Variants in SCD5 observed in about 807,000 individuals in gnomAD.
SCD5 encodes stearoyl-CoA desaturase 5.
Under a neutral mutation model 30.4 loss-of-function variants are expected in SCD5, and 20 were observed. The ratio of observed to expected loss-of-function variants is 0.66; its 90% CI spans 0.46 to 0.96. The LOEUF is 0.96. SCD5 is among the 40% of genes least tolerant of loss of function. The pLI, the probability that SCD5 is intolerant of heterozygous loss-of-function variation, is 0.00. For missense variants in SCD5, 381 were observed against 443.3 expected (o/e 0.86, Z 1.26); for synonymous variants, 173 against 176.4 (o/e 0.98, Z 0.16).
At chr4:82,663,933 A>C (rs956733071) in intron 3 of SCD5, among the ~76,000 whole-genome samples, 5 of 152,206 alleles carry the variant, frequency 3.3e-5, no homozygotes, top group African/African-American at 1.2e-4. Flanking sequence ...TACTGCAGGA[A>C]TGCTAAGAAA....
chr4:82,687,173 G>GA (rs58937590), intron 2 of SCD5, among the ~76,000 whole-genome samples: 13 of 108,632 alleles, frequency 1.2e-4, no homozygotes, highest in Admixed American at 3.0e-4. Flanking sequence ...CTTGTTACAA[G>GA]AAAAAAAAAA....
chr4:82,643,221 A>C (rs1270436998), intron 3 of SCD5, among the ~76,000 whole-genome samples: 2 of 151,048 alleles, frequency 1.3e-5, no homozygotes, highest in Non-Finnish European at 2.9e-5. Context: ...CCAAAGGTTA[A>C]ATATCAAGTT....
chr4:82,691,214 CG>C (rs1728828626), intron 2 of SCD5, among the ~76,000 whole-genome samples: 1 of 152,062 alleles, frequency 6.6e-6, no homozygotes, highest in African/African-American at 2.4e-5. Flanking sequence ...TTAGTAGAGA[CG>C]GGGTTTCATC....
intron 1 of SCD5, among the ~76,000 whole-genome samples, chr4:82,766,636 T>C (rs1170547392): frequency 2.0e-5 from 3 of 152,256 alleles, no homozygotes; most frequent in African/African-American, 7.2e-5. Flanking sequence ...TTGCATACCT[T>C]GTAATTTTTT....
chr4:82,768,339 T>G (rs531339400), intron 1 of SCD5, among the ~76,000 whole-genome samples: 1 of 152,282 alleles, frequency 6.6e-6, no homozygotes, highest in South Asian at 2.1e-4. Context: ...AAAACACTGT[T>G]GCCTGACAGA....
chr4:82,649,900 C>T (rs1021960337), intron 3 of SCD5, among the ~76,000 whole-genome samples: 9 of 152,162 alleles, frequency 5.9e-5, no homozygotes, highest in African/African-American at 1.7e-4. Flanking sequence ...GATTACTGTT[C>T]GTCTGGCGTG....
At chr4:82,727,516 G>A (rs923680625) in intron 1 of SCD5, among the ~76,000 whole-genome samples, 2 of 152,178 alleles carry the variant, frequency 1.3e-5, no homozygotes, top group African/African-American at 4.8e-5. Flanking sequence ...GTCTCCCAGA[G>A]ACAGCTGCTG....
At chr4:82,709,886 C>T (rs895966052) in intron 1 of SCD5, among the ~76,000 whole-genome samples, 59 of 152,342 alleles carry the variant, frequency 3.9e-4, no homozygotes, top group African/African-American at 1.4e-3. Flanking sequence ...TCACTGACGG[C>T]CTGCCCTGGG....
At chr4:82,640,334 C>T (rs1027247634) in intron 3 of SCD5, among the ~76,000 whole-genome samples, 4 of 152,194 alleles carry the variant, frequency 2.6e-5, no homozygotes, top group African/African-American at 9.6e-5. Flanking sequence ...GCCCGGGCTT[C>T]CCCAACTAGA....
intron 1 of SCD5, among the ~76,000 whole-genome samples, chr4:82,737,845 G>A (rs1720782898): frequency 6.6e-6 from 1 of 151,300 alleles, no homozygotes; most frequent in African/African-American, 2.5e-5. Flanking sequence ...GGCACAATGA[G>A]GTAGGAAGGC....
chr4:82,781,038 A>C (rs941632164), intron 1 of SCD5, among the ~76,000 whole-genome samples: 1 of 152,216 alleles, frequency 6.6e-6, no homozygotes, highest in African/African-American at 2.4e-5. Flanking sequence ...GAAACGCAGC[A>C]GGGCCCCCCA....
intron 2 of SCD5, among the ~76,000 whole-genome samples, chr4:82,691,107 C>A (rs753939157): frequency 3.9e-5 from 6 of 152,176 alleles, no homozygotes; most frequent in Non-Finnish European, 7.3e-5. Flanking sequence ...CTCACTGCAA[C>A]CTCTGCCTCC....
chr4:82,748,745 G>T (rs1721043687), intron 1 of SCD5, among the ~76,000 whole-genome samples: 1 of 152,170 alleles, frequency 6.6e-6, no homozygotes, highest in Non-Finnish European at 1.5e-5. Context: ...GAGAAACAAA[G>T]AATGCAATTT....
At chr4:82,709,031 T>C (rs1432960446) in intron 1 of SCD5, among the ~76,000 whole-genome samples, 1 of 152,186 alleles carries the variant, frequency 6.6e-6, no homozygotes, top group Non-Finnish European at 1.5e-5. Flanking sequence ...ATCTCCATCT[T>C]ACAGATGAAG....
chr4:82,753,451 C>T (rs535021016), intron 1 of SCD5: 22 of 514,022 alleles, frequency 4.3e-5, no homozygotes, highest in African/African-American at 4.1e-4. Context: ...AAGCAGTGCG[C>T]CCCAGAGTCA....
chr4:82,793,628 CAAT>C (rs1359664280), intron 1 of SCD5, among the ~76,000 whole-genome samples: 1 of 152,116 alleles, frequency 6.6e-6, no homozygotes, highest in Non-Finnish European at 1.5e-5. Flanking sequence ...GTATTAGGAC[CAAT>C]AATAATGACA....
chr4:82,677,435 C>T (rs1249383876), intron 3 of SCD5, among the ~76,000 whole-genome samples: 7 of 152,122 alleles, frequency 4.6e-5, no homozygotes, highest in Non-Finnish European at 7.4e-5. Context: ...TCTGCTGTGA[C>T]GGTGCCTGAC....
chr4:82,717,802 G>C (rs1394126678), intron 1 of SCD5, among the ~76,000 whole-genome samples: 2 of 151,646 alleles, frequency 1.3e-5, no homozygotes, highest in African/African-American at 4.9e-5. Flanking sequence ...TGTAATCCCA[G>C]ATACTTGGGA....
At chr4:82,653,832 T>C (rs76106173) in intron 3 of SCD5, among the ~76,000 whole-genome samples, 1,764 of 152,264 alleles carry the variant, frequency 0.012, 37 homozygotes, top group African/African-American at 0.04. Flanking sequence ...TTTTCTCTTC[T>C]TTAAAATGGA....
Sources: allele counts gnomAD v4.1 joint callset (sites outside exome capture counted in the v4.1 genomes callset), GRCh38; gene constraint gnomAD v4.1.1; transcripts MANE v1.5; gene names NCBI Gene and HGNC (gene_info 2026-07-23, HGNC 2026-07-21).